RAPGEF5: variants seen among roughly 807,000 people sequenced by gnomAD.
RAPGEF5 encodes the protein Rap guanine nucleotide exchange factor 5.
A neutral mutation model predicts 125.2 loss-of-function variants in RAPGEF5; 65 were observed. The observed-to-expected ratio is 0.52, with a 90% CI of 0.43 to 0.64. The LOEUF is 0.64. RAPGEF5 is among the 30% of genes least tolerant of loss of function. RAPGEF5 has a pLI of 0.00. For synonymous variants in RAPGEF5, 391 were observed against 385.9 expected (o/e 1.01, Z -0.16); for missense variants, 958 against 1,048.1 (o/e 0.91, Z 1.19).
intron 21 of RAPGEF5, among the ~76,000 whole-genome samples, chr7:22,137,436 G>C (rs1444177213): frequency 1.3e-5 from 2 of 152,174 alleles, no homozygotes; most frequent in Non-Finnish European, 2.9e-5. Flanking sequence ...AAGTGACGAA[G>C]CCTGCACTTT....
chr7:22,191,590 G>T (rs1784998504), intron 11 of RAPGEF5: 1 of 471,012 alleles, frequency 2.1e-6, no homozygotes, highest in Non-Finnish European at 4.4e-6. Context: ...GGTCCGCTTG[G>T]CTTTGTGAGC....
chr7:22,263,823 T>TA (rs1782218843), intron 7 of RAPGEF5, among the ~76,000 whole-genome samples: 1 of 151,984 alleles, frequency 6.6e-6, no homozygotes, highest in African/African-American at 2.4e-5. Context: ...AATTAAAAAT[T>TA]AAAAAATGTT....
At chr7:22,285,173 C>T (rs748254249) in intron 6 of RAPGEF5, among the ~76,000 whole-genome samples, 20 of 152,094 alleles carry the variant, frequency 1.3e-4, no homozygotes, top group Admixed American at 3.3e-4. Flanking sequence ...CCCAGCATCT[C>T]GAGAGGGTAT....
chr7:22,167,048 GC>G (rs1290512554), intron 12 of RAPGEF5, 21 bp downstream of exon 12: 1 of 1,580,118 alleles, frequency 6.3e-7, no homozygotes, highest in African/African-American at 1.3e-5. Flanking sequence ...GGACACAGCA[GC>G]CTGAAGATAA....
At chr7:22,269,934 G>A (rs1782378484) in intron 6 of RAPGEF5, among the ~76,000 whole-genome samples, 1 of 152,166 alleles carries the variant, frequency 6.6e-6, no homozygotes, top group Non-Finnish European at 1.5e-5. Context: ...TATAGGGAAA[G>A]GACACAAACC....
At chr7:22,188,764 CAAA>C (rs1180031530) in intron 11 of RAPGEF5, among the ~76,000 whole-genome samples, 2 of 51,910 alleles carry the variant, frequency 3.9e-5, no homozygotes. Context: ...GACTCCGTCT[CAAA>C]AAAAAAAAAA....
intron 6 of RAPGEF5, among the ~76,000 whole-genome samples, chr7:22,275,721 G>T (rs1782540124): frequency 6.6e-6 from 1 of 151,990 alleles, no homozygotes; most frequent in South Asian, 2.1e-4. Flanking sequence ...GACCATGGGG[G>T]TTGTTCATGT....
chr7:22,318,871 G>A (rs1324869848), intron 1 of RAPGEF5, among the ~76,000 whole-genome samples: 3 of 152,160 alleles, frequency 2.0e-5, no homozygotes, highest in Non-Finnish European at 4.4e-5. Context: ...CTGTTTTTCT[G>A]TGTGTCCATT....
At chr7:22,281,943 T>C (rs1478701600) in intron 6 of RAPGEF5, among the ~76,000 whole-genome samples, 2 of 152,262 alleles carry the variant, frequency 1.3e-5, no homozygotes, top group Non-Finnish European at 2.9e-5. Context: ...TCTTTATTAC[T>C]GCCTTCTATG....
chr7:22,300,612 T>G (rs568799294), intron 5 of RAPGEF5, among the ~76,000 whole-genome samples: 1 of 152,328 alleles, frequency 6.6e-6, no homozygotes, highest in Non-Finnish European at 1.5e-5. Context: ...GTCCCGCAGA[T>G]GTCCAGCTCA....
intron 5 of RAPGEF5, among the ~76,000 whole-genome samples, chr7:22,297,561 T>G (rs1300176162): frequency 1.3e-5 from 2 of 152,146 alleles, no homozygotes; most frequent in Non-Finnish European, 2.9e-5. Context: ...AAAATGAGAC[T>G]GATCATCCTT....
intron 7 of RAPGEF5, among the ~76,000 whole-genome samples, chr7:22,266,306 C>T (rs868759449): frequency 6.6e-6 from 1 of 152,150 alleles, no homozygotes; most frequent in African/African-American, 2.4e-5. Flanking sequence ...GCAAAGGATG[C>T]CTCCTACTGA....
At chr7:22,173,926 T>C (rs965027407) in intron 11 of RAPGEF5, among the ~76,000 whole-genome samples, 1 of 152,112 alleles carries the variant, frequency 6.6e-6, no homozygotes, top group African/African-American at 2.4e-5. Context: ...CCAAGTATGC[T>C]GGGAAGCTCA....
intron 23 of RAPGEF5, among the ~76,000 whole-genome samples, chr7:22,134,732 AC>A (rs1783026748): frequency 6.6e-6 from 1 of 152,060 alleles, no homozygotes; most frequent in Non-Finnish European, 1.5e-5. Context: ...GCCACCTCCC[AC>A]CCTCTAATTG....
chr7:22,219,812 CA>C lies in RAPGEF5; in HGVS notation c.996+53del, dbSNP rs1785735444. Reference sequence around the variant, plus strand: ...TCTTTCGTTCAAACATGCAATCAGGCAAAAACATTTTCCACCCCTTCAAACC... The same window carrying C: ...TCTTTCGTTCAAACATGCAATCAGGCAAAACATTTTCCACCCCTTCAAACC... On this transcript the variant is annotated intron_variant, in intron 9 of 25. Transcript: ENST00000665637. The C allele has an allele frequency of 2.6e-6, 4 of 1,520,274 alleles. No homozygotes were observed. The Admixed American group carries it at 8.2e-5, about 31-fold the overall frequency. 94.2% of individuals were successfully genotyped at this position (1,520,274 alleles called of 1,614,324 possible). A position where few individuals can be genotyped will look rare whatever the true frequency, so the allele number is the denominator to read the frequency against.
chr7:22,246,926 C>A (rs1052730654), intron 7 of RAPGEF5, among the ~76,000 whole-genome samples: 1 of 152,100 alleles, frequency 6.6e-6, no homozygotes, highest in African/African-American at 2.4e-5. Flanking sequence ...AATACGTGAA[C>A]AGACACTTTT....
intron 6 of RAPGEF5, among the ~76,000 whole-genome samples, chr7:22,282,164 C>T (rs957563500): frequency 6.6e-6 from 1 of 152,168 alleles, no homozygotes; most frequent in African/African-American, 2.4e-5. Context: ...TGACTTTTTA[C>T]TTTGACCTCC....
chr7:22,240,909 C>T (rs552520545), intron 7 of RAPGEF5, among the ~76,000 whole-genome samples: 3 of 152,284 alleles, frequency 2.0e-5, no homozygotes, highest in Admixed American at 1.3e-4. Flanking sequence ...CTGAGCCTAC[C>T]TATGTGTCAG....
At chr7:22,176,116 CATGGTG>C (rs1784499042) in intron 11 of RAPGEF5, among the ~76,000 whole-genome samples, 1 of 152,174 alleles carries the variant, frequency 6.6e-6, no homozygotes, top group Non-Finnish European at 1.5e-5. Context: ...GCATGTCTTA[CATGGTG>C]TGTGCGTGTC....
Sources: gnomAD v4.1 joint callset for allele counts (sites outside exome capture counted in the v4.1 genomes callset) on GRCh38, gnomAD v4.1.1 for gene constraint, MANE v1.5 for transcripts, NCBI Gene and HGNC (gene_info 2026-07-23, HGNC 2026-07-21) for gene names.